The following MDGA1 variants were observed in gnomAD, a reference collection of about 807,000 sequenced individuals.
MDGA1 encodes the protein MAM domain-containing glycosylphosphatidylinositol anchor protein 1.
In MDGA1, 54 loss-of-function variants were observed where a neutral mutation model predicts 101.5. The observed-to-expected ratio is 0.53, with a 90% CI of 0.43 to 0.67. The LOEUF is 0.67. Among genes scored for constraint, MDGA1 ranks in the 30% least tolerant of loss-of-function variants. The pLI is 0.00. For synonymous variants in MDGA1, 533 were observed against 558.3 expected (o/e 0.95, Z 0.64); for missense variants, 1,083 against 1,323.8 (o/e 0.82, Z 2.82).
At chr6:37,639,751 G>C (rs1178711848) in intron 14 of MDGA1, 1 of 152,184 alleles carries the variant, frequency 6.6e-6, no homozygotes, top group Non-Finnish European at 1.5e-5. Flanking sequence ...TAGACTGTAA[G>C]CTCTTCAAGG....
At position 37,650,358 on chromosome 6, in the gene MDGA1, G is replaced by T. The variant is rs1461868257; in HGVS notation, c.1360C>A (p.Arg454Ser). The T allele has an allele frequency of 6.3e-7, 1 of 1,575,412 alleles. No homozygotes were observed. The highest frequency in any genetic ancestry group is 8.6e-7 in the Non-Finnish European group (1 of 1,162,222). ...VPKGRAVVTVREGSPAELQCE... is the reference protein window; with the variant it reads ...VPKGRAVVTVSEGSPAELQCE... Reference sequence around the variant, plus strand: ...TGCAGCTCGGCAGGCGATCCCTCGCGCACGGTCACCACGGCCCTACCCTTG... The same window carrying T: ...TGCAGCTCGGCAGGCGATCCCTCGCTCACGGTCACCACGGCCCTACCCTTG... Residue 454 changes from arginine (R) to serine (S), a missense_variant, in exon 8 of 17, where the codon CGC becomes AGC. Physicochemically the swap from Arg to Ser is moderately radical, Grantham distance 110. Coordinates refer to ENST00000434837, the MANE Select transcript of MDGA1 (RefSeq NM_153487.4).
Position 37,643,914 on chromosome 6 carries a change from G to T in MDGA1, c.2431C>A (p.Pro811Thr). The change falls in exon 14 of 17, where the codon CCT becomes ACT. Residue 811 changes from proline to threonine, a missense_variant. By Grantham distance (38) the Pro-to-Thr change is conservative. Transcript: ENST00000434837. Reference protein sequence around the residue: ...GYYMFIETSRPRELGDRARLV... With the variant: ...GYYMFIETSRTRELGDRARLV... The stretch of plus-strand genomic sequence containing the variant: ...CTTGCACGGTCCCCCAGCTCCCGAG[G>T]CCTCGATGTCTCGATGAACATGTAG... 1 of 1,613,926 alleles carries T rather than the reference G, an allele frequency of 6.2e-7. No individual in the cohort carries two copies. The highest frequency in any genetic ancestry group is 8.5e-7 in the Non-Finnish European group (1 of 1,179,864).
chr6:37,669,986 AG>A (rs1181169985), intron 1 of MDGA1, among the ~76,000 whole-genome samples: 1 of 152,206 alleles, frequency 6.6e-6, no homozygotes, highest in Admixed American at 6.5e-5. Flanking sequence ...GGGAGAGGAA[AG>A]GTCTGCTTTA....
intron 1 of MDGA1, among the ~76,000 whole-genome samples, chr6:37,690,796 A>G (rs897295087): frequency 7.0e-6 from 1 of 143,092 alleles, no homozygotes; most frequent in African/African-American, 2.7e-5. Context: ...AAAATCCTTT[A>G]CTGTTCCAGC....
chr6:37,665,455 C>CG (rs1231715098), intron 1 of MDGA1, among the ~76,000 whole-genome samples: 1 of 152,172 alleles, frequency 6.6e-6, no homozygotes, highest in African/African-American at 2.4e-5. Flanking sequence ...ATGCGAGGCC[C>CG]GGGGTAAGTC....
intron 1 of MDGA1, among the ~76,000 whole-genome samples, chr6:37,674,783 C>T (rs1761943073): frequency 6.6e-6 from 1 of 152,158 alleles, no homozygotes; most frequent in East Asian, 1.9e-4. Context: ...TTGCTGGGCA[C>T]GGCGGCTCAC....
At chr6:37,654,585 G>T in intron 5 of MDGA1, 42 bp from the exon 6 acceptor site, 1 of 1,613,618 alleles carries the variant, frequency 6.2e-7, no homozygotes, top group Non-Finnish European at 8.5e-7. Flanking sequence ...CTGTGAGGCA[G>T]GGCTGGATGT....
At chr6:37,687,919 A>G (rs932190594) in intron 1 of MDGA1, among the ~76,000 whole-genome samples, 11 of 152,172 alleles carry the variant, frequency 7.2e-5, no homozygotes, top group African/African-American at 2.7e-4. Context: ...AGCCAAACCT[A>G]GAGAACCAAG....
At chr6:37,650,050 G>T in intron 8 of MDGA1, 59 bp downstream of exon 8, 1 of 1,602,816 alleles carries the variant, frequency 6.2e-7, no homozygotes. Flanking sequence ...GAGGGGACAG[G>T]CCGGCTGGGA....
chr6:37,654,482 C>A lies in MDGA1; in HGVS notation c.774G>T (p.Val258=), dbSNP rs1761437189. The change falls in exon 6 of 17, where the codon GTG becomes GTT. Residue 258 remains valine, a synonymous_variant. Transcript: ENST00000434837. ...ETLVVNPGEN[V]TVQCLLTGGD... Reference sequence around the variant, plus strand: ...CGCCTGTCAGCAGACACTGCACCGTCACATTCTCCCCAGGGTTCACCACCA... The same window carrying A: ...CGCCTGTCAGCAGACACTGCACCGTAACATTCTCCCCAGGGTTCACCACCA... The A allele has an allele frequency of 6.2e-7, 1 of 1,613,930 alleles. No individual in the cohort carries two copies. Among genetic ancestry groups the A allele is most frequent in the Non-Finnish European group, 8.5e-7 (1 of 1,179,908 alleles).
intron 1 of MDGA1, among the ~76,000 whole-genome samples, chr6:37,681,002 C>T (rs570911662): frequency 4.0e-5 from 6 of 151,658 alleles, no homozygotes; most frequent in Non-Finnish European, 8.8e-5. Flanking sequence ...CTCAGCCCCC[C>T]CCCCCCAGGA....
rs149712412 is a variant in MDGA1, at chr6:37,650,821, C to CT, written c.1313-417dup. Among the ~76,000 whole-genome samples the CT allele has an allele frequency of 8.5e-5, 13 of 152,342 alleles. No homozygotes were observed. The East Asian group carries it at 2.5e-3, about 29-fold the overall frequency. On this transcript the variant is annotated intron_variant, in intron 7 of 16. Transcript: ENST00000434837. ...TGCTAGTCTGTCCTACATCCTTGCC[C>CT]TTTCGTCCTAAGTAATAGGATACCT...
chr6:37,638,551 T>A lies in MDGA1; in HGVS notation c.2653A>T (p.Ser885Cys). ...TACGGACTCACCTGGAAGGGCCCAC[T>A]GGGGCTGATGGGCACATGGGCCTGC... ...WQQAHVPISP[S>C]GPFQIIFEGV... Residue 885 changes from serine to cysteine, a missense_variant, in exon 15 of 17, where the codon AGT becomes TGT. Physicochemically the swap from Ser to Cys is moderately radical, Grantham distance 112. Around this residue, in one of 3 missense-constraint regions of MDGA1, gnomAD observed 657 missense variants for 771.4 expected, o/e 0.85. Coordinates refer to ENST00000434837, the MANE Select transcript of MDGA1 (RefSeq NM_153487.4). This position sits in a 1 kb window ranked among gnomAD's most constrained non-coding sequence, Gnocchi z 4.8. 2.5e-6 allele frequency: 4 copies of A among 1,613,954 alleles called. No homozygotes were observed. The highest frequency in any genetic ancestry group is 3.4e-6 in the Non-Finnish European group (4 of 1,179,884).
At chr6:37,659,541 T>A (rs377371774) in intron 2 of MDGA1, among the ~76,000 whole-genome samples, 2 of 152,104 alleles carry the variant, frequency 1.3e-5, no homozygotes, top group African/African-American at 4.8e-5. Flanking sequence ...GATAACTAAG[T>A]CTAAGGAGTG....
Position 37,694,534 on chromosome 6 carries a change from A to AG in MDGA1, c.67+2210dup, listed in dbSNP as rs532690643. 4.7e-3 allele frequency among the ~76,000 whole-genome samples: 722 copies of AG among 152,068 alleles called. 2 individuals are homozygous for AG. The highest frequency in any genetic ancestry group is 0.01 in the Middle Eastern group (3 of 294). On this transcript the variant is annotated intron_variant, in intron 1 of 16. Transcript: ENST00000434837. ...CGCGGGTACAGAAAGACTGCTGGGG[A>AG]GGGGGGCAGAAGAACTAGTCCCAGA...
intron 1 of MDGA1, among the ~76,000 whole-genome samples, chr6:37,681,323 G>GC (rs879478854): frequency 6.6e-6 from 1 of 152,040 alleles, no homozygotes; most frequent in African/African-American, 2.4e-5. Flanking sequence ...GCCTGCCCCT[G>GC]CCCCCCCTCT....
chr6:37,688,500 A>AC (rs1198767927), intron 1 of MDGA1, among the ~76,000 whole-genome samples: 1 of 152,072 alleles, frequency 6.6e-6, no homozygotes, highest in Non-Finnish European at 1.5e-5. Context: ...TCAAGCCACC[A>AC]CCCAGCCACC....
intron 1 of MDGA1, among the ~76,000 whole-genome samples, chr6:37,683,479 G>T (rs1270591889): frequency 6.6e-6 from 1 of 152,158 alleles, no homozygotes; most frequent in East Asian, 1.9e-4. Context: ...ACACTTCAGT[G>T]CACCACCAGC....
At chr6:37,654,112 A>G (rs1761426722) in intron 6 of MDGA1, among the ~76,000 whole-genome samples, 162 bp downstream of exon 6, 1 of 152,238 alleles carries the variant, frequency 6.6e-6, no homozygotes, top group African/African-American at 2.4e-5. Flanking sequence ...GCTGGCAGTT[A>G]GCTGAATTGC....
Sources: gnomAD v4.1 joint callset for allele counts (sites outside exome capture counted in the v4.1 genomes callset) on GRCh38, gnomAD v4.1.1 for gene constraint, gnomAD v4.1.1 regional missense constraint, Gnocchi (gnomAD v3.1) non-coding constraint, MANE v1.5 for transcripts, NCBI Gene and HGNC (gene_info 2026-07-23, HGNC 2026-07-21) for gene names.